Variants in FAM81B observed in about 807,000 individuals in gnomAD.
FAM81B encodes family with sequence similarity 81 member B.
Under a neutral mutation model 58.7 loss-of-function variants are expected in FAM81B, and 60 were observed. The observed-to-expected ratio is 1.02, with a 90% CI of 0.83 to 1.27. FAM81B has a LOEUF of 1.27. Among genes scored for constraint, FAM81B ranks in the 50% most tolerant of loss-of-function variants. The pLI, the probability that FAM81B is intolerant of heterozygous loss-of-function variation, is 0.00. For synonymous variants in FAM81B, 189 were observed against 179.6 expected (o/e 1.05, Z -0.42); for missense variants, 491 against 522.0 (o/e 0.94, Z 0.58).
At chr5:95,414,308 GT>G in intron 4 of FAM81B, 118 bp downstream of exon 4, 1 of 1,136,382 alleles carries the variant, frequency 8.8e-7, no homozygotes, top group South Asian at 1.6e-5. Context: ...TATTGCTTAA[GT>G]TTAGATGATT....
chr5:95,449,211 A>G (rs756337149), intron 9 of FAM81B, among the ~76,000 whole-genome samples: 4 of 152,136 alleles, frequency 2.6e-5, no homozygotes, highest in Non-Finnish European at 4.4e-5. Flanking sequence ...CTGTATAGAG[A>G]TACCTTGGAG....
chr5:95,446,713 A>G lies in FAM81B; in HGVS notation c.1029+16A>G, dbSNP rs779890410. 6.2e-7 allele frequency: 1 copy of G among 1,609,408 alleles called. No homozygotes were observed. The highest frequency in any genetic ancestry group is 2.2e-5 in the East Asian group (1 of 44,826). ...GGAGAAACTGGTGAGGAGTTCTGTT[A>G]TTTTGTGAAGCAAGCACCTGCATAG... is the stretch of plus-strand genomic sequence containing the variant. On this transcript the variant is annotated intron_variant, in intron 8 of 9. Transcript: ENST00000283357.
chr5:95,420,463 C>T, intron 5 of FAM81B, 61 bp downstream of exon 5: 1 of 1,601,778 alleles, frequency 6.2e-7, no homozygotes, highest in Non-Finnish European at 8.5e-7. Context: ...AATTCGCATT[C>T]CTAAACAAGC....
At chr5:95,403,386 G>C (rs1031535015) in intron 3 of FAM81B, among the ~76,000 whole-genome samples, 2 of 152,198 alleles carry the variant, frequency 1.3e-5, no homozygotes, top group African/African-American at 4.8e-5. Flanking sequence ...GTATGGACTA[G>C]AGTAAATATT....
intron 3 of FAM81B, among the ~76,000 whole-genome samples, chr5:95,404,171 T>C (rs1227143571): frequency 2.6e-5 from 4 of 152,164 alleles, no homozygotes; most frequent in Admixed American, 6.5e-5. Flanking sequence ...AAATCTGCAG[T>C]CCACCACTAG....
intron 3 of FAM81B, among the ~76,000 whole-genome samples, chr5:95,408,513 T>A (rs1762324942): frequency 6.6e-6 from 1 of 152,200 alleles, no homozygotes; most frequent in South Asian, 2.1e-4. Context: ...GTGGGTAAAT[T>A]GAGCAGGAAG....
At chr5:95,446,951 T>TAAA (rs562369898) in intron 8 of FAM81B, among the ~76,000 whole-genome samples, 17,852 of 144,810 alleles carry the variant, frequency 0.12, 1,382 homozygotes, top group African/African-American at 0.21. Flanking sequence ...TTTTTTTTTT[T>TAAA]AAAAAAAAAA....
At position 95,428,707 on chromosome 5, in the gene FAM81B, C is replaced by G. The variant is rs1412872117; in HGVS notation, c.761C>G (p.Thr254Ser). ...CAAGAATTCGTGCCCGCCCTGGAAA[C>G]TCTTTCCAAGAACTTGGACATGAAG... ...AIQEFVPALE[T>S]LSKNLDMKVM... Residue 254 changes from threonine (T) to serine (S), a missense_variant, in exon 6 of 10, where the codon ACT (threonine) becomes AGT (serine). Physicochemically the swap from Thr to Ser is moderately conservative, Grantham distance 58 (BLOSUM62 1). Coordinates refer to ENST00000283357, the MANE Select transcript of FAM81B (RefSeq NM_152548.3). 1.9e-6 allele frequency: 3 copies of G among 1,613,846 alleles called. No individual in the cohort carries two copies. Among genetic ancestry groups the G allele is most frequent in the African/African-American group, 2.7e-5 (2 of 74,936 alleles).
chr5:95,401,359 A>G (rs1165679675), intron 3 of FAM81B, among the ~76,000 whole-genome samples: 2 of 152,084 alleles, frequency 1.3e-5, no homozygotes, highest in East Asian at 3.9e-4. Context: ...TTCCTTCTGC[A>G]CTGGGCCCAC....
intron 7 of FAM81B, among the ~76,000 whole-genome samples, chr5:95,441,919 C>A (rs1170162788): frequency 6.6e-6 from 1 of 152,204 alleles, no homozygotes; most frequent in Non-Finnish European, 1.5e-5. Flanking sequence ...AAGGGTTTGG[C>A]AGGGGCAGCA....
intron 9 of FAM81B, 56 bp from the exon 10 acceptor site, chr5:95,450,093 T>A (rs573417076): frequency 3.3e-5 from 50 of 1,533,168 alleles, no homozygotes; most frequent in African/African-American, 5.6e-5. Context: ...GCAACTTTTT[T>A]AAAAAAAAGC....
chr5:95,398,467 T>G (rs1443154342), intron 3 of FAM81B, among the ~76,000 whole-genome samples: 1 of 151,918 alleles, frequency 6.6e-6, no homozygotes, highest in African/African-American at 2.4e-5. Context: ...ACTTCAGCCT[T>G]CAACTCATAG....
intron 9 of FAM81B, 41 bp from the exon 10 acceptor site, chr5:95,450,108 A>G: frequency 6.4e-7 from 1 of 1,559,058 alleles, no homozygotes; most frequent in African/African-American, 1.4e-5. Flanking sequence ...AAAAGCTCTA[A>G]TGCATTGTTT....
At chr5:95,436,132 T>A (rs968551453) in intron 6 of FAM81B, among the ~76,000 whole-genome samples, 2 of 152,240 alleles carry the variant, frequency 1.3e-5, no homozygotes, top group Non-Finnish European at 2.9e-5. Context: ...CTCTATTTTT[T>A]AATCCAGTTC....
At chr5:95,415,593 T>C (rs1762519129) in intron 4 of FAM81B, among the ~76,000 whole-genome samples, 1 of 152,170 alleles carries the variant, frequency 6.6e-6, no homozygotes, top group South Asian at 2.1e-4. Flanking sequence ...TAATGAAGTA[T>C]CATGAAAGTG....
chr5:95,394,013 T>C (rs577984728), intron 2 of FAM81B, among the ~76,000 whole-genome samples: 9 of 152,274 alleles, frequency 5.9e-5, no homozygotes, highest in African/African-American at 2.2e-4. Flanking sequence ...TTAAATACTG[T>C]CTTAGATACC....
At position 95,426,675 on chromosome 5, in the gene FAM81B, T is replaced by C. The variant is rs140049073; in HGVS notation, c.657-1928T>C. Among the ~76,000 whole-genome samples the C allele has an allele frequency of 5.9e-5, 9 of 152,302 alleles. No homozygotes were observed. In the East Asian group the frequency reaches 7.7e-4, roughly 13 times the overall value. On this transcript the variant is annotated intron_variant, in intron 5 of 9. Coordinates refer to ENST00000283357, the MANE Select transcript of FAM81B (RefSeq NM_152548.3). ...CTCCTGGAGTCGTGTGGTAGACAAG[T>C]TGTACAACTGTATGCAGTGACCATG...
At chr5:95,417,326 G>C (rs549613994) in intron 4 of FAM81B, among the ~76,000 whole-genome samples, 1 of 152,062 alleles carries the variant, frequency 6.6e-6, no homozygotes, top group African/African-American at 2.4e-5. Flanking sequence ...TTTTCTTAGT[G>C]AAAGTGTTGA....
chr5:95,416,775 T>C (rs983628380), intron 4 of FAM81B, among the ~76,000 whole-genome samples: 1 of 152,164 alleles, frequency 6.6e-6, no homozygotes, highest in African/African-American at 2.4e-5. Context: ...GCTTAATTAT[T>C]GTCCTAATGT....
Sources: allele counts gnomAD v4.1 joint callset (sites outside exome capture counted in the v4.1 genomes callset), GRCh38; gene constraint gnomAD v4.1.1; transcripts MANE v1.5; gene names NCBI Gene and HGNC (gene_info 2026-07-23, HGNC 2026-07-21).